CBLB: variants seen among roughly 807,000 people sequenced by gnomAD.
CBLB encodes E3 ubiquitin-protein ligase CBL-B.
CBLB carries 31 observed loss-of-function variants against 104.9 expected under a neutral mutation model. The ratio of observed to expected loss-of-function variants is 0.30; its 90% confidence interval spans 0.22 to 0.40. The LOEUF (loss-of-function observed/expected upper bound fraction) is 0.40, where lower values mean the gene tolerates loss of function less well. Among genes scored for constraint, CBLB ranks in the 10% least tolerant of loss-of-function variants. The pLI is 1.00. For missense variants in CBLB, 1,062 were observed against 1,214.6 expected (o/e 0.87, Z 1.87); for synonymous variants, 440 against 422.6 (o/e 1.04, Z -0.51).
chr3:105,832,067 A>G (rs941554352), intron 3 of CBLB, among the ~76,000 whole-genome samples: 1 of 152,182 alleles, frequency 6.6e-6, no homozygotes, highest in Non-Finnish European at 1.5e-5. Flanking sequence ...CTGGCATAAT[A>G]TAATTATTAA....
intron 3 of CBLB, among the ~76,000 whole-genome samples, chr3:105,786,062 G>GGGA (rs1553794643): frequency 9.8e-5 from 1 of 10,164 alleles, no homozygotes; most frequent in Non-Finnish European, 2.0e-4. Flanking sequence ...TGAGAGGATC[G>GGGA]GGGGGGGGAA....
intron 5 of CBLB, among the ~76,000 whole-genome samples, chr3:105,749,016 C>T (rs2076366287): frequency 1.3e-5 from 2 of 152,220 alleles, no homozygotes; most frequent in South Asian, 4.2e-4. Flanking sequence ...ATTAGCAAAA[C>T]ATATTTTCAT....
At chr3:105,825,375 G>A (rs1010793436) in intron 3 of CBLB, among the ~76,000 whole-genome samples, 1 of 152,086 alleles carries the variant, frequency 6.6e-6, no homozygotes, top group Non-Finnish European at 1.5e-5. Flanking sequence ...GACCTGGGAT[G>A]GAAAGAGAAA....
intron 3 of CBLB, among the ~76,000 whole-genome samples, chr3:105,826,844 A>C (rs773041737): frequency 6.6e-6 from 1 of 152,168 alleles, no homozygotes; most frequent in Non-Finnish European, 1.5e-5. Context: ...TATGAAAGGA[A>C]ATGTTCCCTC....
At chr3:105,807,308 G>C (rs1001416383) in intron 3 of CBLB, among the ~76,000 whole-genome samples, 1 of 152,158 alleles carries the variant, frequency 6.6e-6, no homozygotes, top group Middle Eastern at 3.2e-3. Flanking sequence ...TGTAATCCCA[G>C]CATTTCTGGA....
chr3:105,761,469 G>A (rs893042739), intron 4 of CBLB, among the ~76,000 whole-genome samples: 32 of 152,280 alleles, frequency 2.1e-4, no homozygotes, highest in Non-Finnish European at 4.1e-4. Context: ...GGCAGTTTCC[G>A]ACATTCTATT....
Position 105,730,076 on chromosome 3 carries a change from C to T in CBLB, c.1203+3933G>A, listed in dbSNP as rs74331228. On this transcript the variant is annotated intron_variant, in intron 9 of 18. Coordinates refer to ENST00000394030, the MANE Select transcript of CBLB (RefSeq NM_170662.5). ...GAAATATCAATTTAGAATTATTGAC[C>T]TAAGAATAATTTTCTTTAGGGGGAG... is the stretch of plus-strand genomic sequence containing the variant. Among the ~76,000 whole-genome samples, 923 of 151,736 alleles carry T rather than the reference C, an allele frequency of 6.1e-3. 28 individuals are homozygous for T. The highest frequency in any genetic ancestry group is 0.051 in the East Asian group (261 of 5,160).
chr3:105,722,711 G>C (rs2073060442), intron 9 of CBLB, among the ~76,000 whole-genome samples: 1 of 152,120 alleles, frequency 6.6e-6, no homozygotes, highest in South Asian at 2.1e-4. Flanking sequence ...ATATTGCTCT[G>C]GTTAAGGATG....
chr3:105,694,969 T>TA (rs746333393), intron 12 of CBLB, among the ~76,000 whole-genome samples: 4 of 151,694 alleles, frequency 2.6e-5, no homozygotes, highest in African/African-American at 4.8e-5. Flanking sequence ...TCCTTTAACA[T>TA]AAAAAAAGGC....
intron 5 of CBLB, among the ~76,000 whole-genome samples, chr3:105,746,830 A>G (rs2076145615): frequency 1.3e-5 from 2 of 152,192 alleles, no homozygotes; most frequent in African/African-American, 4.8e-5. Context: ...TTGCTCACCC[A>G]TGGGATGCCA....
chr3:105,739,826 T>C (rs1257449485), intron 7 of CBLB, among the ~76,000 whole-genome samples: 1 of 152,092 alleles, frequency 6.6e-6, no homozygotes, highest in Non-Finnish European at 1.5e-5. Flanking sequence ...TGAAACTGGC[T>C]GGGCACAGTG....
intron 2 of CBLB, among the ~76,000 whole-genome samples, chr3:105,861,189 G>A (rs903272922): frequency 6.6e-6 from 1 of 152,002 alleles, no homozygotes; most frequent in African/African-American, 2.4e-5. Flanking sequence ...TGCCCAAGCA[G>A]AGTAGATAAA....
At chr3:105,715,744 G>C (rs2071759531) in intron 10 of CBLB, among the ~76,000 whole-genome samples, 1 of 152,080 alleles carries the variant, frequency 6.6e-6, no homozygotes, top group South Asian at 2.1e-4. Context: ...AAAAATAAAT[G>C]AGTAAGTCCA....
At chr3:105,726,007 A>G (rs1208380626) in intron 9 of CBLB, among the ~76,000 whole-genome samples, 6 of 152,106 alleles carry the variant, frequency 3.9e-5, no homozygotes, top group Admixed American at 6.5e-5. Context: ...TCCCGCCACC[A>G]CGCCCAGTTA....
At chr3:105,768,535 C>T (rs946868817) in intron 4 of CBLB, among the ~76,000 whole-genome samples, 41 of 152,156 alleles carry the variant, frequency 2.7e-4, no homozygotes, top group African/African-American at 9.2e-4. Flanking sequence ...ACTCATTCAA[C>T]AACCATTTAC....
At chr3:105,715,523 A>C (rs567308720) in intron 10 of CBLB, among the ~76,000 whole-genome samples, 2 of 152,328 alleles carry the variant, frequency 1.3e-5, no homozygotes, top group East Asian at 3.9e-4. Context: ...ATATACAATC[A>C]AAGCAGGTTT....
chr3:105,702,490 A>AAC (rs1553727084), intron 11 of CBLB, 31 bp from the exon 12 acceptor site: 77 of 1,477,710 alleles, frequency 5.2e-5, no homozygotes, highest in South Asian at 4.8e-4. Context: ...AAAAAAAAAA[A>AAC]AAAAAAAAAC....
intron 3 of CBLB, among the ~76,000 whole-genome samples, chr3:105,819,693 T>C (rs1577488144): frequency 6.6e-6 from 1 of 152,224 alleles, no homozygotes; most frequent in Non-Finnish European, 1.5e-5. Flanking sequence ...ACGGACACCA[T>C]GCTTCCTTTC....
chr3:105,712,446 C>G (rs2071253806), intron 10 of CBLB, among the ~76,000 whole-genome samples: 1 of 151,962 alleles, frequency 6.6e-6, no homozygotes, highest in South Asian at 2.1e-4. Context: ...TAAAAATGGC[C>G]AAGAAACAAG....
Sources: allele counts gnomAD v4.1 joint callset (sites outside exome capture counted in the v4.1 genomes callset), GRCh38; gene constraint gnomAD v4.1.1; transcripts MANE v1.5; gene names NCBI Gene and HGNC (gene_info 2026-07-23, HGNC 2026-07-21).